The following TNR variants were observed in gnomAD, a reference collection of about 807,000 sequenced individuals.
TNR encodes the protein tenascin-R.
A neutral mutation model predicts 150.4 loss-of-function variants in TNR; 45 were observed. The observed-to-expected ratio is 0.30, with a 90% CI of 0.24 to 0.38. The LOEUF (loss-of-function observed/expected upper bound fraction) is 0.38, where lower values mean the gene tolerates loss of function less well. Ranked by LOEUF, TNR falls within the 10% of genes least tolerant of loss-of-function variation. TNR has a pLI of 1.00. For synonymous variants in TNR, 687 were observed against 678.4 expected, an observed-to-expected ratio of 1.01 and a Z score of -0.20; for missense variants, 1,544 against 1,759.1, an observed-to-expected ratio of 0.88 and a Z score of 2.19.
intron 18 of TNR, among the ~76,000 whole-genome samples, chr1:175,348,647 A>G (rs1414431861): frequency 1.3e-5 from 2 of 152,200 alleles, no homozygotes. Flanking sequence ...AACTTAATAT[A>G]CAATGAGGCA....
chr1:175,717,728 G>T (rs1428981632), intron 1 of TNR, among the ~76,000 whole-genome samples: 1 of 152,126 alleles, frequency 6.6e-6, no homozygotes, highest in African/African-American at 2.4e-5. Context: ...CCTAGTCAAA[G>T]GCCCTTGCTG....
At chr1:175,369,836 T>C (rs1204686458) in intron 9 of TNR, among the ~76,000 whole-genome samples, 1 of 152,228 alleles carries the variant, frequency 6.6e-6, no homozygotes, top group Non-Finnish European at 1.5e-5. Context: ...TCAAGAGGAA[T>C]GCTGCCTGGC....
At chr1:175,476,986 T>C (rs1208169609) in intron 2 of TNR, among the ~76,000 whole-genome samples, 1 of 152,166 alleles carries the variant, frequency 6.6e-6, no homozygotes, top group African/African-American at 2.4e-5. Flanking sequence ...AAGGAGAGTA[T>C]AATGGAGAGA....
chr1:175,634,793 G>A (rs1180952084), intron 1 of TNR, among the ~76,000 whole-genome samples: 3 of 152,202 alleles, frequency 2.0e-5, no homozygotes, highest in Admixed American at 1.3e-4. Context: ...ACTCCTAATC[G>A]ATATGCTTTT....
chr1:175,344,969 G>C (rs534304972), intron 18 of TNR, among the ~76,000 whole-genome samples: 1 of 151,876 alleles, frequency 6.6e-6, no homozygotes, highest in African/African-American at 2.4e-5. Flanking sequence ...TTAGCTGGGC[G>C]TAGTGGCGGG....
intron 2 of TNR, among the ~76,000 whole-genome samples, chr1:175,483,342 G>A (rs1202261374): frequency 1.3e-5 from 2 of 152,176 alleles, no homozygotes; most frequent in Admixed American, 1.3e-4. Flanking sequence ...AGAGGACATG[G>A]AATCTGGAAT....
intron 1 of TNR, among the ~76,000 whole-genome samples, chr1:175,672,085 C>T (rs1394172947): frequency 6.6e-6 from 1 of 152,132 alleles, no homozygotes; most frequent in Non-Finnish European, 1.5e-5. Flanking sequence ...ATTGCTGCTC[C>T]ACAAGCAGAA....
intron 2 of TNR, among the ~76,000 whole-genome samples, chr1:175,407,081 G>A (rs932498102): frequency 4.6e-5 from 7 of 152,202 alleles, no homozygotes; most frequent in African/African-American, 1.4e-4. Flanking sequence ...GCTGGGGGCT[G>A]GGGCCCTGTG....
intron 1 of TNR, among the ~76,000 whole-genome samples, chr1:175,700,809 T>C (rs1666670740): frequency 6.6e-6 from 1 of 152,214 alleles, no homozygotes; most frequent in South Asian, 2.1e-4. Context: ...TCCATCCATT[T>C]GGCATTCTTC....
chr1:175,719,807 A>G (rs1163537421), intron 1 of TNR, among the ~76,000 whole-genome samples: 1 of 151,710 alleles, frequency 6.6e-6, no homozygotes, highest in African/African-American at 2.4e-5. Context: ...CACTTCTAAT[A>G]CCCTCCCCAT....
At chr1:175,550,919 A>T (rs1057003796) in intron 1 of TNR, among the ~76,000 whole-genome samples, 6 of 152,172 alleles carry the variant, frequency 3.9e-5, no homozygotes, top group African/African-American at 1.4e-4. Context: ...GTTTAAATTG[A>T]CACCATGTGT....
intron 1 of TNR, among the ~76,000 whole-genome samples, chr1:175,529,042 C>G (rs901042797): frequency 3.3e-4 from 50 of 152,318 alleles, no homozygotes; most frequent in Admixed American, 2.3e-3. Flanking sequence ...TAAGTGAGAG[C>G]CTTCTGAGTA....
At chr1:175,478,635 A>G (rs1657650868) in intron 2 of TNR, among the ~76,000 whole-genome samples, 1 of 151,870 alleles carries the variant, frequency 6.6e-6, no homozygotes, top group African/African-American at 2.4e-5. Flanking sequence ...CACTAGCTGC[A>G]CTTTCCTTCA....
chr1:175,441,324 G>C (rs771217198), intron 2 of TNR, among the ~76,000 whole-genome samples: 7 of 152,184 alleles, frequency 4.6e-5, no homozygotes, highest in Non-Finnish European at 1.0e-4. Context: ...TGCAAAAAGA[G>C]AAGAGGGGAT....
At chr1:175,446,378 G>T (rs1656045400) in intron 2 of TNR, among the ~76,000 whole-genome samples, 1 of 152,124 alleles carries the variant, frequency 6.6e-6, no homozygotes, top group East Asian at 1.9e-4. Context: ...CCACAAAATG[G>T]CTATTATTTT....
At chr1:175,686,285 T>G (rs1355178394) in intron 1 of TNR, among the ~76,000 whole-genome samples, 1 of 152,242 alleles carries the variant, frequency 6.6e-6, no homozygotes, top group East Asian at 1.9e-4. Flanking sequence ...GTGTACCACC[T>G]ATCACTCCTG....
intron 1 of TNR, among the ~76,000 whole-genome samples, chr1:175,650,380 C>G (rs1367467814): frequency 1.3e-5 from 2 of 151,818 alleles, no homozygotes; most frequent in African/African-American, 4.8e-5. Flanking sequence ...AAGATGGTTT[C>G]AAAGCAAACA....
intron 2 of TNR, among the ~76,000 whole-genome samples, chr1:175,427,715 C>A (rs1267312235): frequency 1.1e-5 from 1 of 87,222 alleles, no homozygotes; most frequent in African/African-American, 4.5e-5. Context: ...CCCTTCTTCC[C>A]TCCTTCTCTC....
intron 21 of TNR, 84 bp downstream of exon 21, chr1:175,329,990 T>A (rs1285728264): frequency 1.5e-6 from 2 of 1,364,378 alleles, no homozygotes; most frequent in Middle Eastern, 2.8e-4. Flanking sequence ...GTGCTGCTGC[T>A]TCCTGAGGCA....
Sources: gnomAD v4.1 joint callset for allele counts (sites outside exome capture counted in the v4.1 genomes callset) on GRCh38, gnomAD v4.1.1 for gene constraint, MANE v1.5 for transcripts, NCBI Gene and HGNC (gene_info 2026-07-23, HGNC 2026-07-21) for gene names.